Variants in CASZ1 observed in about 807,000 individuals in gnomAD.
The protein encoded by CASZ1 is zinc finger protein castor homolog 1.
Under a neutral mutation model 135.2 loss-of-function variants are expected in CASZ1, and 28 were observed. The observed-to-expected ratio is 0.21, with a 90% CI of 0.15 to 0.28. The LOEUF is 0.28. Among genes scored for constraint, CASZ1 ranks in the 10% least tolerant of loss-of-function variants. The pLI, the probability that CASZ1 is intolerant of heterozygous loss-of-function variation, is 1.00. For missense variants in CASZ1, 2,161 were observed against 2,453.3 expected, an observed-to-expected ratio of 0.88 and a Z score of 2.52; for synonymous variants, 1,068 against 1,073.4, an observed-to-expected ratio of 0.99 and a Z score of 0.10.
At chr1:10,640,602 T>C (rs1642171115) in intron 20 of CASZ1, among the ~76,000 whole-genome samples, 3 of 152,172 alleles carry the variant, frequency 2.0e-5, no homozygotes, top group African/African-American at 7.2e-5. Flanking sequence ...GGGCTGCAAC[T>C]CCCTGCCCTA....
rs1488226970 is a variant in CASZ1 at position 10,646,183 on chromosome 1, A to G, written c.3641T>C (p.Val1214Ala). The G allele has an allele frequency of 1.1e-5, 18 of 1,614,186 alleles. No homozygotes were observed. The highest frequency in any genetic ancestry group is 1.5e-5 in the Non-Finnish European group (18 of 1,180,030). ...LDHINPNNNL[V>A]NVRDQFAYYS... ...GTATGCAAACTGGTCTCGCACGTTCACCAGGTTGTTGTTGGGGTTGATGTG... is the reference window on the plus strand; with the variant it reads ...GTATGCAAACTGGTCTCGCACGTTCGCCAGGTTGTTGTTGGGGTTGATGTG... The change falls in exon 17 of 21, where the codon GTG becomes GCG. Residue 1214 changes from valine to alanine, a missense_variant. Coordinates refer to ENST00000377022, the MANE Select transcript of CASZ1 (RefSeq NM_001079843.3). This position sits in a 1 kb window ranked among gnomAD's most constrained non-coding sequence, Gnocchi z 6.4.
intron 3 of CASZ1, chr1:10,704,663 AGGCGCACG>A (rs1276791490): frequency 6.6e-6 from 1 of 152,290 alleles, no homozygotes; most frequent in Non-Finnish European, 1.5e-5. Context: ...GTTTGGAGCC[AGGCGCACG>A]GTGCCGTGTC....
chr1:10,644,502 A>G (rs1229614965), intron 18 of CASZ1, among the ~76,000 whole-genome samples: 1 of 152,248 alleles, frequency 6.6e-6, no homozygotes, highest in African/African-American at 2.4e-5. Flanking sequence ...GAATGGAAGA[A>G]CAAACTGTAG....
At position 10,647,993 on chromosome 1, in the gene CASZ1, C is replaced by T. The variant is rs1274470062; in HGVS notation, c.3305G>A (p.Gly1102Glu). 5.6e-6 allele frequency: 9 copies of T among 1,603,432 alleles called. No homozygotes were observed. Among genetic ancestry groups the T allele is most frequent in the Non-Finnish European group, 7.7e-6 (9 of 1,174,388 alleles). The change falls in exon 16 of 21, where the codon GGG becomes GAG. Residue 1102 changes from glycine to glutamate, a missense_variant. By Grantham distance (98) the Gly-to-Glu change is moderately conservative. Around this residue, in one of 7 missense-constraint regions of CASZ1, gnomAD observed 349 missense variants for 460.8 expected, o/e 0.76. Coordinates refer to ENST00000377022, the MANE Select transcript of CASZ1 (RefSeq NM_001079843.3). The surrounding 1 kb of genome is among the most constrained non-coding windows in gnomAD (Gnocchi z 4.9). The stretch of plus-strand genomic sequence containing the variant: ...CACGGAGGCCGGGCTGGGAGCGGGC[C>T]CCTCCAGAGAGGACACCGTGGCCGT... The part of the protein sequence containing the change: ...VTTATVSSLE[G>E]PAPSPASVPS...
rs1340682783 is a variant in CASZ1, at chr1:10,694,562, A to C, written c.-23-650T>G. ...CGGCCCGGCCCGCGCCGGCCCCGGC[A>C]GGTGAAAGAGCAGAGCGCGGCCCCG... On this transcript the variant is annotated intron_variant, in intron 3 of 20. Coordinates refer to ENST00000377022, the MANE Select transcript of CASZ1 (RefSeq NM_001079843.3). The surrounding 1 kb of genome is among the most constrained non-coding windows in gnomAD (Gnocchi z 6.6). 1.4e-5 allele frequency: 2 copies of C among 138,216 alleles called. No individual in the cohort carries two copies. The highest frequency in any genetic ancestry group is 5.4e-5 in the African/African-American group (2 of 37,034). The allele number at this position is 138,216 out of a possible 1,614,324, so 8.6% of individuals were successfully genotyped here.
At chr1:10,761,201 G>C (rs1161279381) in intron 1 of CASZ1, among the ~76,000 whole-genome samples, 2 of 152,216 alleles carry the variant, frequency 1.3e-5, no homozygotes, top group Non-Finnish European at 2.9e-5. Flanking sequence ...GGGCACCCAG[G>C]GTGAAAGGTC....
chr1:10,746,565 G>C (rs1640045375), intron 2 of CASZ1, among the ~76,000 whole-genome samples: 2 of 152,142 alleles, frequency 1.3e-5, no homozygotes, highest in South Asian at 4.1e-4. Context: ...CTGGCATCAG[G>C]GTTGTCTGCT....
At chr1:10,686,029 CT>C (rs1158452613) in intron 4 of CASZ1, among the ~76,000 whole-genome samples, 1 of 152,192 alleles carries the variant, frequency 6.6e-6, no homozygotes, top group African/African-American at 2.4e-5. Flanking sequence ...TCACTGGGGC[CT>C]GAGGTAGACC....
intron 1 of CASZ1, among the ~76,000 whole-genome samples, chr1:10,778,531 C>T (rs1048781457): frequency 3.3e-5 from 5 of 152,146 alleles, no homozygotes; most frequent in Non-Finnish European, 5.9e-5. Flanking sequence ...CACGATCACA[C>T]GCAAAACGAT....
intron 4 of CASZ1, among the ~76,000 whole-genome samples, chr1:10,670,237 G>T (rs528190143): frequency 6.6e-6 from 1 of 152,326 alleles, no homozygotes; most frequent in African/African-American, 2.4e-5. Flanking sequence ...TGCCACCTTG[G>T]TGATGCCCCC....
intron 4 of CASZ1, among the ~76,000 whole-genome samples, chr1:10,680,291 A>C (rs910266313): frequency 6.7e-5 from 1 of 14,976 alleles, no homozygotes; most frequent in African/African-American, 2.6e-4. Context: ...GGGATGGTGG[A>C]GGGGAGGGGG....
At chr1:10,736,478 C>A (rs1269132319) in intron 2 of CASZ1, among the ~76,000 whole-genome samples, 2 of 152,182 alleles carry the variant, frequency 1.3e-5, no homozygotes, top group Admixed American at 6.5e-5. Flanking sequence ...TTGTTTTTAA[C>A]CTGCTCCACC....
chr1:10,723,303 T>A (rs943742223), intron 2 of CASZ1, among the ~76,000 whole-genome samples: 1 of 152,182 alleles, frequency 6.6e-6, no homozygotes, highest in African/African-American at 2.4e-5. Context: ...CAGGCCTTGC[T>A]TCTACTTCAC....
chr1:10,643,203 C>A lies in CASZ1; in HGVS notation c.3977G>T (p.Arg1326Leu). The A allele has an allele frequency of 6.2e-7, 1 of 1,612,544 alleles. No individual in the cohort carries two copies. Among genetic ancestry groups the A allele is most frequent in the South Asian group, 1.1e-5 (1 of 91,028 alleles). Residue 1326 changes from arginine to leucine, a missense_variant, in exon 19 of 21, where the codon CGG (arginine) becomes CTG (leucine). By Grantham distance (102) the Arg-to-Leu change is moderately radical (BLOSUM62 -2). This residue lies in a region of CASZ1 where 349 missense variants were observed against 460.8 expected (regional missense o/e 0.76). Coordinates refer to ENST00000377022, the MANE Select transcript of CASZ1 (RefSeq NM_001079843.3). ...QMTSHARKHM[R>L]RMLGKNFDRV... The stretch of plus-strand genomic sequence containing the variant: ...GTCGAAGTTCTTCCCCAGCATCCTC[C>A]GCATGTGCTTCCGCGCGTGGGAGGT...
chr1:10,712,579 G>T (rs1490707182), intron 2 of CASZ1, among the ~76,000 whole-genome samples: 1 of 152,062 alleles, frequency 6.6e-6, no homozygotes, highest in African/African-American at 2.4e-5. Flanking sequence ...CTTCAAATGG[G>T]CCCTCTTTCC....
At chr1:10,780,503 C>T (rs1039427167) in intron 1 of CASZ1, among the ~76,000 whole-genome samples, 2 of 152,162 alleles carry the variant, frequency 1.3e-5, no homozygotes, top group African/African-American at 4.8e-5. Flanking sequence ...CCTCCTACCT[C>T]ATCCAAAGTC....
chr1:10,786,101 C>T (rs1249190320), intron 1 of CASZ1, among the ~76,000 whole-genome samples: 2 of 152,320 alleles, frequency 1.3e-5, no homozygotes, highest in East Asian at 3.9e-4. Flanking sequence ...TCTGGGATTG[C>T]CAGCACCCAG....
chr1:10,731,958 T>A (rs1231789889), intron 2 of CASZ1, among the ~76,000 whole-genome samples: 4 of 152,360 alleles, frequency 2.6e-5, no homozygotes, highest in African/African-American at 9.6e-5. Context: ...TGTTATTTTT[T>A]AAATGAATTA....
rs373804665 is a variant in CASZ1, at chr1:10,659,840, G to A, written c.1202C>T (p.Ala401Val). 2 of 1,612,534 alleles carry A rather than the reference G, an allele frequency of 1.2e-6. No homozygotes were observed. Among genetic ancestry groups the A allele is most frequent in the African/African-American group, 2.7e-5 (2 of 74,884 alleles). The change falls in exon 6 of 21, where the codon GCC becomes GTC. Residue 401 changes from alanine (A) to valine (V), a missense_variant. Transcript: ENST00000377022. ...GGCGCTGGGGGCACTGGGCACGCTG[G>A]CGAGGGGTGCGGGAGCCAGGCTGGG... ...PTPSLAPAPL[A>V]SVPSAPSAPG... is the part of the protein sequence containing the mutation.
Sources: gnomAD v4.1 joint callset for allele counts (sites outside exome capture counted in the v4.1 genomes callset) on GRCh38, gnomAD v4.1.1 for gene constraint, gnomAD v4.1.1 regional missense constraint, Gnocchi (gnomAD v3.1) non-coding constraint, MANE v1.5 for transcripts, NCBI Gene and HGNC (gene_info 2026-07-23, HGNC 2026-07-21) for gene names.